Variants in OR9Q1 observed in about 807,000 individuals in gnomAD.
The protein encoded by OR9Q1 is olfactory receptor family 9 subfamily Q member 1.
For synonymous variants in OR9Q1, 153 were observed against 148.6 expected (o/e 1.03, Z -0.22); for missense variants, 374 against 378.8 (o/e 0.99, Z 0.11).
At chr11:58,109,429 G>A (rs1233981364) in intron 2 of OR9Q1, 1 of 460,016 alleles carries the variant, frequency 2.2e-6, no homozygotes, top group Non-Finnish European at 4.4e-6. Flanking sequence ...AATCTGAGGG[G>A]TGATTACTGA....
intron 2 of OR9Q1, among the ~76,000 whole-genome samples, chr11:58,074,171 T>C (rs907397022): frequency 6.6e-6 from 1 of 152,194 alleles, no homozygotes; most frequent in Non-Finnish European, 1.5e-5. Flanking sequence ...TTATCATCCT[T>C]TGGGTATATA....
intron 2 of OR9Q1, among the ~76,000 whole-genome samples, chr11:58,141,453 C>T (rs976407356): frequency 6.6e-6 from 1 of 152,098 alleles, no homozygotes; most frequent in African/African-American, 2.4e-5. Flanking sequence ...TGTTAAAGGC[C>T]TTTTCTGCAT....
intron 1 of OR9Q1, chr11:58,044,133 A>C (rs1050462386): frequency 2.0e-5 from 3 of 152,230 alleles, no homozygotes; most frequent in Non-Finnish European, 2.9e-5. Context: ...GAATGAATTT[A>C]ATAGCCTCAA....
intron 2 of OR9Q1, among the ~76,000 whole-genome samples, chr11:58,081,793 C>CTTTTT (rs201892501): frequency 3.1e-5 from 4 of 128,154 alleles, no homozygotes; most frequent in East Asian, 2.2e-4. Flanking sequence ...ATGATAGTTT[C>CTTTTT]TTTTTTTTTT....
chr11:58,090,510 G>A (rs377097405), intron 2 of OR9Q1, among the ~76,000 whole-genome samples: 55 of 152,270 alleles, frequency 3.6e-4, no homozygotes, highest in Middle Eastern at 3.4e-3. Context: ...TGATCGTGGT[G>A]GATAAGCTTT....
chr11:58,076,564 T>G (rs140469352), intron 2 of OR9Q1, among the ~76,000 whole-genome samples: 4 of 152,344 alleles, frequency 2.6e-5, no homozygotes, highest in African/African-American at 9.6e-5. Context: ...ATGGGCTCAC[T>G]GACTTTTGGC....
chr11:58,061,123 C>G (rs950418066), intron 2 of OR9Q1, among the ~76,000 whole-genome samples: 6 of 152,148 alleles, frequency 3.9e-5, no homozygotes, highest in African/African-American at 1.4e-4. Flanking sequence ...TGCTTTCCTT[C>G]CCCTACAGGC....
Position 58,179,508 on chromosome 11 carries a change from G to A in OR9Q1, c.64G>A (p.Glu22Lys), listed in dbSNP as rs758065597. ...FLLIAFTEYP[E>K]WALPLFLLFL... is the part of the protein sequence containing the mutation. ...CCTTATTGCATTCACTGAATATCCT[G>A]AATGGGCACTCCCTCTCTTCCTCTT... Residue 22 changes from glutamate (E) to lysine (K), a missense_variant, in exon 3 of 3, where the codon GAA (glutamate) becomes AAA (lysine). By Grantham distance (56) the Glu-to-Lys change is moderately conservative. Coordinates refer to ENST00000335397, the MANE Select transcript of OR9Q1 (RefSeq NM_001005212.4). 8 of 1,607,358 alleles carry A rather than the reference G, an allele frequency of 5.0e-6. No individual in the cohort carries two copies. In the African/African-American group the frequency reaches 1.1e-4, roughly 21 times the overall value.
At chr11:58,120,171 T>G (rs1255196793) in intron 2 of OR9Q1, among the ~76,000 whole-genome samples, 1 of 152,188 alleles carries the variant, frequency 6.6e-6, no homozygotes, top group African/African-American at 2.4e-5. Flanking sequence ...GCATTTTATA[T>G]TTTTTAGTTA....
At chr11:58,136,167 G>A (rs1397079195) in intron 2 of OR9Q1, among the ~76,000 whole-genome samples, 2 of 152,100 alleles carry the variant, frequency 1.3e-5, no homozygotes, top group Non-Finnish European at 2.9e-5. Flanking sequence ...AACTAATGTG[G>A]GGGAAAGATA....
chr11:58,114,900 C>T (rs1236776233), intron 2 of OR9Q1, among the ~76,000 whole-genome samples: 1 of 152,106 alleles, frequency 6.6e-6, no homozygotes, highest in Non-Finnish European at 1.5e-5. Context: ...GGACTTCCGG[C>T]TGCAATGGGT....
chr11:58,118,970 G>T (rs149512166), intron 2 of OR9Q1: 1 of 1,613,882 alleles, frequency 6.2e-7, no homozygotes, highest in Non-Finnish European at 8.5e-7. Flanking sequence ...CAAGTGGTAC[G>T]CAGGATGGCT....
chr11:58,067,792 A>G (rs1003016123), intron 2 of OR9Q1, among the ~76,000 whole-genome samples: 7 of 152,202 alleles, frequency 4.6e-5, no homozygotes, highest in Non-Finnish European at 1.0e-4. Flanking sequence ...CAGGCAGTAA[A>G]AAGGACTCGA....
At chr11:58,119,533 A>G in intron 2 of OR9Q1, 1 of 918,276 alleles carries the variant, frequency 1.1e-6, no homozygotes, top group Non-Finnish European at 1.6e-6. Flanking sequence ...TCTATGGTGG[A>G]AGTTTTGGTT....
At chr11:58,112,208 T>C (rs1411128406) in intron 2 of OR9Q1, among the ~76,000 whole-genome samples, 1 of 151,938 alleles carries the variant, frequency 6.6e-6, no homozygotes, top group East Asian at 1.9e-4. Flanking sequence ...CAGGAGAATT[T>C]CTTGAACCCG....
intron 2 of OR9Q1, among the ~76,000 whole-genome samples, chr11:58,128,824 AAAGTTT>A (rs1854114166): frequency 6.6e-6 from 1 of 152,234 alleles, no homozygotes; most frequent in Non-Finnish European, 1.5e-5. Context: ...ATATAATACT[AAAGTTT>A]ATGTGTCTGT....
At chr11:58,033,968 G>C (rs1243830178) in intron 1 of OR9Q1, among the ~76,000 whole-genome samples, 1 of 151,878 alleles carries the variant, frequency 6.6e-6, no homozygotes, top group Non-Finnish European at 1.5e-5. Flanking sequence ...CCTGGTGGTG[G>C]CTCTGTTCAA....
chr11:58,171,718 G>A (rs1300503848), intron 2 of OR9Q1: 3 of 152,164 alleles, frequency 2.0e-5, no homozygotes, highest in African/African-American at 7.2e-5. Flanking sequence ...AAGCCAAGTT[G>A]TTCTAATTAC....
intron 2 of OR9Q1, chr11:58,109,111 A>G (rs770784931): frequency 1.4e-5 from 7 of 499,764 alleles, no homozygotes; most frequent in Non-Finnish European, 2.9e-5. Context: ...GAGCTTCAGC[A>G]GGGGTGGGAG....
Sources: allele counts gnomAD v4.1 joint callset (sites outside exome capture counted in the v4.1 genomes callset), GRCh38; gene constraint gnomAD v4.1.1; transcripts MANE v1.5; gene names NCBI Gene and HGNC (gene_info 2026-07-23, HGNC 2026-07-21).